DLGAP1: variants seen among roughly 807,000 people sequenced by gnomAD.
DLGAP1 encodes DLG associated protein 1.
Under a neutral mutation model 90.8 loss-of-function variants are expected in DLGAP1, and 11 were observed. The ratio of observed to expected loss-of-function variants is 0.12; its 90% CI spans 0.08 to 0.20. The LOEUF (loss-of-function observed/expected upper bound fraction) is 0.20, where lower values mean the gene tolerates loss of function less well. Among genes scored for constraint, DLGAP1 ranks in the 10% least tolerant of loss-of-function variants. DLGAP1 has a pLI of 1.00. For missense variants in DLGAP1, 1,050 were observed against 1,333.8 expected (o/e 0.79, Z 3.31); for synonymous variants, 558 against 540.7 (o/e 1.03, Z -0.44).
At chr18:4,114,292 G>A (rs2076024819) in intron 2 of DLGAP1, among the ~76,000 whole-genome samples, 1 of 151,852 alleles carries the variant, frequency 6.6e-6, no homozygotes, top group Non-Finnish European at 1.5e-5. Flanking sequence ...GTATTTTGTA[G>A]CTCTCCTTGT....
At chr18:3,587,774 C>G (rs1163669029) in intron 7 of DLGAP1, among the ~76,000 whole-genome samples, 1 of 152,144 alleles carries the variant, frequency 6.6e-6, no homozygotes, top group Non-Finnish European at 1.5e-5. Flanking sequence ...GAGGAACAAA[C>G]AACTCCGCAC....
intron 4 of DLGAP1, among the ~76,000 whole-genome samples, chr18:3,847,069 T>C (rs1317049058): frequency 2.0e-5 from 3 of 152,224 alleles, no homozygotes; most frequent in Non-Finnish European, 4.4e-5. Context: ...ATGTATTCAA[T>C]TTGTTAAAGG....
chr18:3,972,042 A>G (rs531963721), intron 3 of DLGAP1, among the ~76,000 whole-genome samples: 1 of 152,354 alleles, frequency 6.6e-6, no homozygotes, highest in East Asian at 1.9e-4. Flanking sequence ...ACGGTGTCCA[A>G]CTAACAAGAT....
At chr18:3,831,945 G>A (rs1438037321) in intron 4 of DLGAP1, among the ~76,000 whole-genome samples, 1 of 152,184 alleles carries the variant, frequency 6.6e-6, no homozygotes, top group African/African-American at 2.4e-5. Context: ...AGTTATCAGT[G>A]CAAATGAGAG....
intron 1 of DLGAP1, among the ~76,000 whole-genome samples, chr18:4,236,518 A>T (rs1192559422): frequency 6.6e-6 from 1 of 152,170 alleles, no homozygotes; most frequent in East Asian, 1.9e-4. Context: ...CCACTGCCTT[A>T]TACTGAACCA....
At chr18:3,544,548 G>A (rs983067046) in intron 9 of DLGAP1, among the ~76,000 whole-genome samples, 1 of 151,972 alleles carries the variant, frequency 6.6e-6, no homozygotes, top group African/African-American at 2.4e-5. Flanking sequence ...AAAATTTGGG[G>A]ATTTTCCAAA....
chr18:3,956,320 G>C (rs1210045735), intron 3 of DLGAP1, among the ~76,000 whole-genome samples: 3 of 152,088 alleles, frequency 2.0e-5, no homozygotes, highest in Non-Finnish European at 2.9e-5. Context: ...AAAGGAAGAT[G>C]TTTCACCCTG....
intron 2 of DLGAP1, among the ~76,000 whole-genome samples, chr18:4,081,747 T>C (rs531028821): frequency 6.6e-6 from 1 of 152,306 alleles, no homozygotes; most frequent in South Asian, 2.1e-4. Context: ...TTGGTCCCAT[T>C]TGGTATTTTA....
intron 4 of DLGAP1, among the ~76,000 whole-genome samples, chr18:3,854,955 T>C (rs2069547405): frequency 6.6e-6 from 1 of 152,154 alleles, no homozygotes. Flanking sequence ...TGAGATACAA[T>C]TTGTCAGATG....
chr18:3,790,765 T>TTA, intron 5 of DLGAP1, among the ~76,000 whole-genome samples: 1 of 151,922 alleles, frequency 6.6e-6, no homozygotes, highest in East Asian at 1.9e-4. Flanking sequence ...TGTAGGGAAG[T>TTA]GGATAGTGCA....
intron 2 of DLGAP1, among the ~76,000 whole-genome samples, chr18:4,032,894 C>A (rs952495260): frequency 2.0e-5 from 3 of 152,122 alleles, no homozygotes; most frequent in Non-Finnish European, 4.4e-5. Context: ...ACCTTTGTAT[C>A]CACAGTGGCT....
chr18:4,440,931 A>C (rs2083522365), intron 1 of DLGAP1, among the ~76,000 whole-genome samples: 1 of 152,250 alleles, frequency 6.6e-6, no homozygotes, highest in African/African-American at 2.4e-5. Context: ...TAAGGGTACA[A>C]CAATGTTGAT....
intron 10 of DLGAP1, among the ~76,000 whole-genome samples, chr18:3,532,959 A>C (rs1358589929): frequency 6.6e-6 from 1 of 152,084 alleles, no homozygotes; most frequent in Non-Finnish European, 1.5e-5. Context: ...TCAATTGTTA[A>C]TTTTTCTTTT....
rs1598453465 is a variant in DLGAP1, at chr18:4,131,699, AAG to A, written c.-159+19479_-159+19480del. Among the ~76,000 whole-genome samples, 6 of 152,302 alleles carry A rather than the reference AAG, an allele frequency of 3.9e-5. No homozygotes were observed. In the East Asian group the frequency reaches 1.2e-3, roughly 29 times the overall value. Reference sequence around the variant, plus strand: ...CAATTTCTCAAACGTGGGCAAGAGAAAGAGCCAGGAAAGGGTGACAAGAAACT... The same window carrying A: ...CAATTTCTCAAACGTGGGCAAGAGAAAGCCAGGAAAGGGTGACAAGAAACT... On this transcript the variant is annotated intron_variant, in intron 2 of 12. Coordinates refer to ENST00000315677, the MANE Select transcript of DLGAP1 (RefSeq NM_004746.4).
intron 3 of DLGAP1, among the ~76,000 whole-genome samples, chr18:3,883,101 G>A (rs1224297953): frequency 1.3e-5 from 2 of 152,146 alleles, no homozygotes; most frequent in Admixed American, 6.5e-5. Context: ...AAAATTAGCT[G>A]GGCATGGTGG....
chr18:3,600,601 G>A (rs1235665828), intron 7 of DLGAP1, among the ~76,000 whole-genome samples: 1 of 149,968 alleles, frequency 6.7e-6, no homozygotes, highest in Non-Finnish European at 1.5e-5. Context: ...GATTTGAACT[G>A]TTTCTTTCCA....
At chr18:3,712,370 T>C (rs1348578553) in intron 7 of DLGAP1, among the ~76,000 whole-genome samples, 1 of 152,166 alleles carries the variant, frequency 6.6e-6, no homozygotes, top group Non-Finnish European at 1.5e-5. Flanking sequence ...CCCTCCCTAC[T>C]GGGCACGCAG....
chr18:3,652,988 C>T (rs1158924720), intron 7 of DLGAP1, among the ~76,000 whole-genome samples: 1 of 152,184 alleles, frequency 6.6e-6, no homozygotes, highest in African/African-American at 2.4e-5. Context: ...GGTGGCCCCT[C>T]CTTCCCTGGA....
chr18:4,058,337 C>T (rs2075252123), intron 2 of DLGAP1, among the ~76,000 whole-genome samples: 1 of 152,192 alleles, frequency 6.6e-6, no homozygotes, highest in Non-Finnish European at 1.5e-5. Context: ...AATAGACTCC[C>T]TTTCATATGT....
Sources: allele counts gnomAD v4.1 joint callset (sites outside exome capture counted in the v4.1 genomes callset), GRCh38; gene constraint gnomAD v4.1.1; transcripts MANE v1.5; gene names NCBI Gene and HGNC (gene_info 2026-07-23, HGNC 2026-07-21).